Variants in PTPRA observed in about 807,000 individuals in gnomAD.
PTPRA encodes receptor-type tyrosine-protein phosphatase alpha.
PTPRA carries 25 observed loss-of-function variants against 104.8 expected under a neutral mutation model. The ratio of observed to expected loss-of-function variants is 0.24; its 90% confidence interval spans 0.17 to 0.33. The LOEUF is 0.33. PTPRA is among the 10% of genes least tolerant of loss of function. The pLI is 1.00. For synonymous variants in PTPRA, 323 were observed against 368.9 expected (o/e 0.88, Z 1.43); for missense variants, 765 against 1,015.3 (o/e 0.75, Z 3.35).
chr20:2,990,563 A>G (rs1157329504), intron 9 of PTPRA, among the ~76,000 whole-genome samples: 1 of 152,108 alleles, frequency 6.6e-6, no homozygotes, highest in Non-Finnish European at 1.5e-5. Context: ...TACAACAACA[A>G]CAACAACAAA....
At chr20:2,974,449 TAG>T (rs2062336319) in intron 5 of PTPRA, among the ~76,000 whole-genome samples, 1 of 151,386 alleles carries the variant, frequency 6.6e-6, no homozygotes, top group African/African-American at 2.4e-5. Context: ...TTCTTTGAAA[TAG>T]AGTCTCGCTC....
upstream of PTPRA, among the ~76,000 whole-genome samples, chr20:2,871,487 C>A (rs528762692): frequency 3.3e-5 from 5 of 152,190 alleles, no homozygotes; most frequent in South Asian, 4.1e-4. Context: ...CATGTCAACC[C>A]CTTCTAGGGT....
chr20:3,009,277 G>A (rs2064040381), intron 11 of PTPRA, among the ~76,000 whole-genome samples: 1 of 128,118 alleles, frequency 7.8e-6, no homozygotes, highest in Non-Finnish European at 1.8e-5. Context: ...GCTGAGTTGT[G>A]TGATTTTTTT....
intron 1 of PTPRA, among the ~76,000 whole-genome samples, chr20:2,886,264 AAAAG>A (rs1438820053): frequency 1.3e-5 from 2 of 152,178 alleles, no homozygotes; most frequent in Non-Finnish European, 2.9e-5. Context: ...GGTTACATTA[AAAAG>A]AAAGACTCCT....
At chr20:2,963,161 A>T (rs1459849741) in intron 3 of PTPRA, among the ~76,000 whole-genome samples, 1 of 152,224 alleles carries the variant, frequency 6.6e-6, no homozygotes, top group Non-Finnish European at 1.5e-5. Flanking sequence ...GGGCAGCAGT[A>T]CATCAGTGCA....
the PTPRA span, chr20:2,864,837 G>A: frequency 1.6e-6 from 2 of 1,225,130 alleles, no homozygotes; most frequent in Non-Finnish European, 2.3e-6. The surrounding 1 kb of genome is among the most constrained non-coding windows in gnomAD (Gnocchi z 5.2). Context: ...ATCCCTCTAG[G>A]ACATCAGAGT....
intron 3 of PTPRA, among the ~76,000 whole-genome samples, chr20:2,951,715 C>T (rs1250944577): frequency 6.6e-6 from 1 of 152,230 alleles, no homozygotes; most frequent in Non-Finnish European, 1.5e-5. Flanking sequence ...CTTACTGACC[C>T]TAGCTAGTGC....
chr20:2,890,835 A>G (rs544485403), intron 1 of PTPRA, among the ~76,000 whole-genome samples: 8 of 152,150 alleles, frequency 5.3e-5, no homozygotes, highest in Admixed American at 1.3e-4. Context: ...CAAAGATTCC[A>G]TCTCTGGCCT....
rs1251328620 is a variant in PTPRA at position 2,964,326 on chromosome 20, G to A, written c.49G>A (p.Val17Ile). 5 of 1,605,730 alleles carry A rather than the reference G, an allele frequency of 3.1e-6. No individual in the cohort carries two copies. The East Asian group carries it at 6.7e-5, about 22-fold the overall frequency. The stretch of plus-strand genomic sequence containing the variant: ...TCTGCTCGGCAGTGGTCTGATATGT[G>A]TCAGTGCCAACAATGCTACCACAGG... ...LVLLGSGLIC[V>I]SANNATTVAP... is the part of the protein sequence containing the mutation. Residue 17 changes from valine (V) to isoleucine (I), a missense_variant, in exon 4 of 24, where the codon GTC becomes ATC. Val to Ile is a conservative substitution (Grantham distance 29). Transcript: ENST00000399903.
intron 2 of PTPRA, among the ~76,000 whole-genome samples, chr20:2,928,047 T>C (rs1195873381): frequency 6.6e-6 from 1 of 152,084 alleles, no homozygotes; most frequent in African/African-American, 2.4e-5. Context: ...CTTACCAGAG[T>C]TCATTCTCAA....
chr20:2,986,691 GT>G, intron 6 of PTPRA, 73 bp from the exon 7 acceptor site: 1 of 1,257,278 alleles, frequency 8.0e-7, no homozygotes, highest in Non-Finnish European at 1.2e-6. Context: ...TCTTCAGGGT[GT>G]TGCCCTGAAT....
intron 1 of PTPRA, among the ~76,000 whole-genome samples, chr20:2,922,540 A>G (rs1600115803): frequency 6.6e-6 from 1 of 152,088 alleles, no homozygotes; most frequent in Non-Finnish European, 1.5e-5. Flanking sequence ...GGGTTTCACC[A>G]TGTTGGCCAG....
intron 2 of PTPRA, among the ~76,000 whole-genome samples, chr20:2,947,665 A>C (rs1242604115): frequency 6.6e-6 from 1 of 152,204 alleles, no homozygotes; most frequent in Non-Finnish European, 1.5e-5. Context: ...CGTAGAGTGC[A>C]CAGTGGACTG....
chr20:2,865,915 A>C, the PTPRA span: 1 of 489,870 alleles, frequency 2.0e-6, no homozygotes, highest in Non-Finnish European at 3.7e-6. This position sits in a 1 kb window ranked among gnomAD's most constrained non-coding sequence, Gnocchi z 5.2. Context: ...GAACACAGGA[A>C]ATGTGAGGGC....
chr20:2,976,723 A>G (rs531102924), intron 6 of PTPRA, among the ~76,000 whole-genome samples: 36 of 152,368 alleles, frequency 2.4e-4, no homozygotes, highest in Middle Eastern at 3.4e-3. Flanking sequence ...TGGATATCCC[A>G]TTCTAATTTT....
rs541668725 is a variant in PTPRA, at chr20:2,982,157, C to G, written c.443-4608C>G. On this transcript the variant is annotated intron_variant, in intron 6 of 23. Coordinates refer to ENST00000399903, the MANE Select transcript of PTPRA (RefSeq NM_001385305.1). The stretch of plus-strand genomic sequence containing the variant: ...CCAGGCTGGAGTGCAGTGGCACGAT[C>G]TTGGCTCACTGAAACCTCCGCCTCC... 3.7e-4 allele frequency among the ~76,000 whole-genome samples: 55 copies of G among 148,110 alleles called. 3 individuals are homozygous for G. In the South Asian group the frequency reaches 8.8e-3, roughly 24 times the overall value.
chr20:2,945,582 G>GGTGTGTGTGTGTGTGTGT (rs3842441), intron 2 of PTPRA, among the ~76,000 whole-genome samples: 1 of 148,152 alleles, frequency 6.7e-6, no homozygotes, highest in Non-Finnish European at 1.5e-5. Flanking sequence ...ATAATTGGCA[G>GGTGTGTGTGTGTGTGTGT]GTGTGTGTGT....
chr20:2,963,517 C>G (rs1184517876), intron 3 of PTPRA, among the ~76,000 whole-genome samples: 1 of 151,906 alleles, frequency 6.6e-6, no homozygotes, highest in Non-Finnish European at 1.5e-5. Flanking sequence ...TTGCTTGAAC[C>G]CGGGAGGCGG....
At chr20:3,025,898 C>G (rs2065118653) in intron 17 of PTPRA, among the ~76,000 whole-genome samples, 1 of 150,112 alleles carries the variant, frequency 6.7e-6, no homozygotes, top group Non-Finnish European at 1.5e-5. Flanking sequence ...ATATTAGGTT[C>G]TGATTCAGCA....
Sources: allele counts gnomAD v4.1 joint callset (sites outside exome capture counted in the v4.1 genomes callset), GRCh38; gene constraint gnomAD v4.1.1; non-coding constraint Gnocchi (gnomAD v3.1); transcripts MANE v1.5; gene names NCBI Gene and HGNC (gene_info 2026-07-23, HGNC 2026-07-21).